Variants in TCERG1 observed in about 807,000 individuals in gnomAD.
TCERG1 encodes the protein TATA box binding protein (TBP)-associated factor, RNA polymerase II, S, 150kD.
A neutral mutation model predicts 144.7 loss-of-function variants in TCERG1; 37 were observed. The ratio of observed to expected loss-of-function variants is 0.26; its 90% CI spans 0.20 to 0.34. The LOEUF (loss-of-function observed/expected upper bound fraction) is 0.34. Among genes scored for constraint, TCERG1 ranks in the 10% least tolerant of loss-of-function variants. TCERG1 has a pLI of 1.00. For synonymous variants in TCERG1, 492 were observed against 458.2 expected (o/e 1.07, Z -0.94); for missense variants, 1,027 against 1,380.7 (o/e 0.74, Z 4.06).
chr5:146,458,798 C>T lies in TCERG1; in HGVS notation c.439-86C>T, dbSNP rs554853211. 1.8e-5 allele frequency: 27 copies of T among 1,503,812 alleles called. No individual in the cohort carries two copies. In the Admixed American group the frequency reaches 5.4e-4, roughly 30 times the overall value. The allele number at this position is 1,503,812 out of a possible 1,614,324, so 93.2% of individuals were successfully genotyped here. ...CTGGCCCTACGTTATTTTTAAATAG[C>T]TTTAAAGATAAAATATGGTTCCATT... On this transcript the variant is annotated intron_variant, in intron 3 of 22. Coordinates refer to ENST00000679501, the MANE Select transcript of TCERG1 (RefSeq NM_001382548.1).
At chr5:146,479,694 A>G (rs1765167768) in intron 10 of TCERG1, among the ~76,000 whole-genome samples, 161 bp from the exon 11 acceptor site, 1 of 152,224 alleles carries the variant, frequency 6.6e-6, no homozygotes, top group South Asian at 2.1e-4. Flanking sequence ...ATGTAAAGGG[A>G]GGATAAATAG....
At chr5:146,460,511 C>G (rs1487227787) in intron 4 of TCERG1, among the ~76,000 whole-genome samples, 1 of 151,854 alleles carries the variant, frequency 6.6e-6, no homozygotes, top group Non-Finnish European at 1.5e-5. Flanking sequence ...TATTATTTTA[C>G]TACCAGGATA....
rs1443946089 is a variant in TCERG1 at position 146,507,269 on chromosome 5, C to G, written c.2961+62C>G. ...GAATCTTGTTAGTAATTTCTTAAAG[C>G]AAAGCATTGATATGATTTTTAGTGT... On this transcript the variant is annotated intron_variant, in intron 20 of 22. Coordinates refer to ENST00000679501, the MANE Select transcript of TCERG1 (RefSeq NM_001382548.1). The surrounding 1 kb of genome is among the most constrained non-coding windows in gnomAD (Gnocchi z 4.6). 1.4e-5 allele frequency: 20 copies of G among 1,438,858 alleles called. No homozygotes were observed. The highest frequency in any genetic ancestry group is 7.6e-5 in the South Asian group (5 of 65,792). The allele number at this position is 1,438,858 out of a possible 1,614,324, so 89.1% of individuals were successfully genotyped here.
chr5:146,466,806 A>G (rs564027487), intron 5 of TCERG1, among the ~76,000 whole-genome samples: 1 of 152,308 alleles, frequency 6.6e-6, no homozygotes, highest in South Asian at 2.1e-4. Context: ...ATGTATGAAT[A>G]GATTTGATTT....
chr5:146,510,704 T>G lies in TCERG1; in HGVS notation c.*62T>G, dbSNP rs984099324. The stretch of plus-strand genomic sequence containing the variant: ...TGCTTGCATGAGCCAATTTTCAGGT[T>G]TTTACATATATGTGCATTAGTCAAC... On this transcript the variant is annotated 3_prime_UTR_variant, in exon 23 of 23. Transcript: ENST00000679501. 1 of 1,538,460 alleles carries G rather than the reference T, an allele frequency of 6.5e-7. No homozygotes were observed. Among genetic ancestry groups the G allele is most frequent in the Non-Finnish European group, 8.8e-7 (1 of 1,134,082 alleles).
At chr5:146,488,869 A>G (rs527725974) in intron 15 of TCERG1, among the ~76,000 whole-genome samples, 4 of 152,220 alleles carry the variant, frequency 2.6e-5, no homozygotes, top group African/African-American at 7.2e-5. Context: ...GTGGTTAGCC[A>G]TAAAAAAGAA....
chr5:146,469,642 T>C lies in TCERG1; in HGVS notation c.1297T>C (p.Ser433Pro), dbSNP rs376401078. The C allele has an allele frequency of 9.9e-6, 16 of 1,613,576 alleles. No individual in the cohort carries two copies. The highest frequency in any genetic ancestry group is 1.3e-5 in the Non-Finnish European group (15 of 1,179,786). The change falls in exon 7 of 23, where the codon TCT becomes CCT. Residue 433 changes from serine (S) to proline (P), a missense_variant. By Grantham distance (74) the Ser-to-Pro change is moderately conservative. This residue lies in a region of TCERG1 where 482 missense variants were observed against 632.6 expected (regional missense o/e 0.76). Transcript: ENST00000679501. ...TACCTTAGCTGGAGCAACAGCAGTT[T>C]CTGAATGGACTGAATATAAAACAGC... is the stretch of plus-strand genomic sequence containing the variant. ...PATLAGATAV[S>P]EWTEYKTADG...
intron 22 of TCERG1, among the ~76,000 whole-genome samples, chr5:146,509,729 T>C (rs1456237925): frequency 6.6e-6 from 1 of 152,142 alleles, no homozygotes; most frequent in East Asian, 1.9e-4. Context: ...AAATAAAAAT[T>C]GTAAATTATG....
In TCERG1 at chr5:146,504,078, A is replaced by G. The variant is rs929939281; in HGVS notation, c.2781+72A>G. The G allele has an allele frequency of 1.2e-5, 15 of 1,294,222 alleles. No individual in the cohort carries two copies. The Admixed American group carries it at 1.6e-4, about 13-fold the overall frequency. 80.2% of individuals were successfully genotyped at this position (1,294,222 alleles called of 1,614,324 possible). On this transcript the variant is annotated intron_variant, in intron 19 of 22. Coordinates refer to ENST00000679501, the MANE Select transcript of TCERG1 (RefSeq NM_001382548.1). ...GAAATTTATTATGTTACTGTTATGA[A>G]TATTTTAATGTTCTTTAATTCTGAG...
intron 9 of TCERG1, among the ~76,000 whole-genome samples, chr5:146,473,859 G>C (rs1448936916): frequency 6.6e-6 from 1 of 152,092 alleles, no homozygotes; most frequent in African/African-American, 2.4e-5. Context: ...CTTCACCCAA[G>C]AGCTGTGATG....
intron 10 of TCERG1, among the ~76,000 whole-genome samples, 183 bp downstream of exon 10, chr5:146,478,836 A>G (rs974897862): frequency 2.0e-5 from 3 of 152,194 alleles, no homozygotes; most frequent in Admixed American, 2.0e-4. Context: ...GAGAATTTGG[A>G]TAAGATTGTG....
chr5:146,501,301 AT>A (rs898237706), intron 17 of TCERG1, among the ~76,000 whole-genome samples: 1 of 151,786 alleles, frequency 6.6e-6, no homozygotes, highest in Non-Finnish European at 1.5e-5. Context: ...GGTAAATGAC[AT>A]TTTTTTGACA....
Position 146,498,434 on chromosome 5 carries a change from C to T in TCERG1, c.2283-102C>T, listed in dbSNP as rs910281831. On this transcript the variant is annotated intron_variant, in intron 16 of 22. Transcript: ENST00000679501. Reference sequence around the variant, plus strand: ...TTAGGTAGATGTTGAGTCCCAGTGTCTCTTTGTCATATACTCTTGTTGGAA... The same window carrying T: ...TTAGGTAGATGTTGAGTCCCAGTGTTTCTTTGTCATATACTCTTGTTGGAA... 5.5e-6 allele frequency: 7 copies of T among 1,273,360 alleles called. No homozygotes were observed. The African/African-American group carries it at 7.5e-5, about 14-fold the overall frequency. 78.9% of individuals were successfully genotyped at this position (1,273,360 alleles called of 1,614,324 possible).
At chr5:146,481,560 G>A (rs1765368415) in intron 13 of TCERG1, 1 of 152,074 alleles carries the variant, frequency 6.6e-6, no homozygotes, top group African/African-American at 2.4e-5. Flanking sequence ...GTTAGCCTTA[G>A]TTCCATTTAA....
intron 7 of TCERG1, 146 bp downstream of exon 7, chr5:146,469,890 A>G: frequency 1.8e-6 from 1 of 545,748 alleles, no homozygotes; most frequent in South Asian, 4.7e-5. Flanking sequence ...TACTGAATTG[A>G]TAAATATTTA....
At chr5:146,455,615 A>C (rs900403348) in intron 2 of TCERG1, among the ~76,000 whole-genome samples, 9 of 152,188 alleles carry the variant, frequency 5.9e-5, no homozygotes, top group African/African-American at 2.2e-4. Flanking sequence ...TTTTGAGTGG[A>C]GAAAATTTAT....
At chr5:146,471,412 GT>G in intron 8 of TCERG1, 75 bp from the exon 9 acceptor site, 3 of 1,352,584 alleles carry the variant, frequency 2.2e-6, no homozygotes, top group Non-Finnish European at 3.1e-6. Context: ...ACTTTGAGCT[GT>G]TTGCCTTCAT....
At position 146,507,987 on chromosome 5, in the gene TCERG1, C is replaced by T. The variant is rs1292440225; in HGVS notation, c.3045+31C>T. 6.5e-7 allele frequency: 1 copy of T among 1,533,018 alleles called. No homozygotes were observed. The highest frequency in any genetic ancestry group is 9.0e-7 in the Non-Finnish European group (1 of 1,116,096). The allele number at this position is 1,533,018 out of a possible 1,614,324, so 95.0% of individuals were successfully genotyped here. The stretch of plus-strand genomic sequence containing the variant: ...AGGATTTTGTGTCGAGATTTACTGT[C>T]AGTCTATAAATACTTAAATCGGGGC... On this transcript the variant is annotated intron_variant, in intron 21 of 22. Transcript: ENST00000679501. The surrounding 1 kb of genome is among the most constrained non-coding windows in gnomAD (Gnocchi z 4.6).
Position 146,463,539 on chromosome 5 carries a change from A to G in TCERG1, c.893-12A>G. ...AAGGAGTGATACATGTTTTTGTTTT[A>G]TCTTTTATCAGCACCCACAACACAA... is the stretch of plus-strand genomic sequence containing the variant. On this transcript the variant is annotated splice_polypyrimidine_tract_variant and intron_variant, in intron 4 of 22. Coordinates refer to ENST00000679501, the MANE Select transcript of TCERG1 (RefSeq NM_001382548.1). The G allele has an allele frequency of 6.2e-7, 1 of 1,613,592 alleles. No individual in the cohort carries two copies. Among genetic ancestry groups the G allele is most frequent in the African/African-American group, 1.3e-5 (1 of 75,002 alleles).
Sources: allele counts gnomAD v4.1 joint callset (sites outside exome capture counted in the v4.1 genomes callset), GRCh38; gene constraint gnomAD v4.1.1; regional missense constraint gnomAD v4.1.1; non-coding constraint Gnocchi (gnomAD v3.1); transcripts MANE v1.5; gene names NCBI Gene and HGNC (gene_info 2026-07-23, HGNC 2026-07-21).